SLC30A8: variants seen among roughly 807,000 people sequenced by gnomAD.
SLC30A8 encodes proton-coupled zinc antiporter SLC30A8.
SLC30A8 carries 27 observed loss-of-function variants against 36.9 expected under a neutral mutation model. The ratio of observed to expected loss-of-function variants is 0.73; its 90% CI spans 0.54 to 1.01. The LOEUF (loss-of-function observed/expected upper bound fraction) is 1.01, where lower values mean the gene tolerates loss of function less well. SLC30A8 is among the 50% of genes least tolerant of loss of function. The probability of loss-of-function intolerance (pLI) is 0.00; values close to 1 mark genes in which losing one functional copy is unlikely to be tolerated. For synonymous variants in SLC30A8, 164 were observed against 172.4 expected, an observed-to-expected ratio of 0.95 and a Z score of 0.38; for missense variants, 439 against 452.0, an observed-to-expected ratio of 0.97 and a Z score of 0.26.
chr8:116,969,657 G>A (rs149114757), intron 1 of SLC30A8, among the ~76,000 whole-genome samples: 34 of 152,196 alleles, frequency 2.2e-4, no homozygotes, highest in Middle Eastern at 3.4e-3. Flanking sequence ...ATAGACTATC[G>A]CTCCTAGGCT....
intron 2 of SLC30A8, among the ~76,000 whole-genome samples, chr8:117,120,154 ATAAC>A (rs549562191): frequency 7.0e-4 from 106 of 152,114 alleles, no homozygotes; most frequent in African/African-American, 2.5e-3. Flanking sequence ...ATGACACAAA[ATAAC>A]TAAAGTAATC....
chr8:116,992,628 C>G (rs1452991065), intron 1 of SLC30A8, among the ~76,000 whole-genome samples: 2 of 152,180 alleles, frequency 1.3e-5, no homozygotes, highest in East Asian at 3.9e-4. Flanking sequence ...TATGCAGTCT[C>G]TCTATGAGGA....
chr8:117,126,008 TCTC>T (rs1253571213), intron 2 of SLC30A8, among the ~76,000 whole-genome samples: 18 of 152,054 alleles, frequency 1.2e-4, no homozygotes, highest in African/African-American at 3.6e-4. Context: ...TCAACGATCT[TCTC>T]CTCTCTCTAG....
At position 117,153,098 on chromosome 8, in the gene SLC30A8, T is replaced by TCATA; in HGVS notation, c.418+9_418+12dup. On this transcript the variant is annotated intron_variant, in intron 3 of 7. Coordinates refer to ENST00000456015, the MANE Select transcript of SLC30A8 (RefSeq NM_173851.3). ...TTGGATGGCACCGAGCAGGTACGGT[T>TCATA]CATAGAGTGAGCAATAACAGCAGGC... is the stretch of plus-strand genomic sequence containing the variant. The TCATA allele has an allele frequency of 6.4e-7, 1 of 1,572,196 alleles. No homozygotes were observed. The highest frequency in any genetic ancestry group is 2.3e-5 in the East Asian group (1 of 44,202).
At chr8:116,975,940 C>T (rs982543803) in intron 1 of SLC30A8, among the ~76,000 whole-genome samples, 3 of 152,118 alleles carry the variant, frequency 2.0e-5, no homozygotes, top group Admixed American at 6.5e-5. Flanking sequence ...TTATGGCCTT[C>T]TGATTCAAGC....
upstream of SLC30A8, chr8:117,134,767 A>G (rs947353581): frequency 6.6e-6 from 1 of 152,026 alleles, no homozygotes; most frequent in Non-Finnish European, 1.5e-5. Context: ...CTCCCTTTCA[A>G]TAGTGAAATC....
At chr8:117,081,056 A>G (rs1297174705) in intron 2 of SLC30A8, among the ~76,000 whole-genome samples, 3 of 152,172 alleles carry the variant, frequency 2.0e-5, no homozygotes, top group Non-Finnish European at 4.4e-5. Context: ...ATCTTCCTCC[A>G]AAGTCATTTT....
chr8:117,161,958 A>G (rs1325077297), intron 5 of SLC30A8, 70 bp downstream of exon 5: 3 of 1,392,988 alleles, frequency 2.2e-6, no homozygotes, highest in Non-Finnish European at 2.9e-6. Context: ...ACCCTCCAAC[A>G]TTAACTTAAA....
At chr8:117,033,131 G>A (rs1376944613) in intron 1 of SLC30A8, among the ~76,000 whole-genome samples, 1 of 152,212 alleles carries the variant, frequency 6.6e-6, no homozygotes. Context: ...GGGACACAGA[G>A]TTCCACTCTT....
intron 2 of SLC30A8, among the ~76,000 whole-genome samples, chr8:117,082,202 T>C (rs1186979244): frequency 6.6e-6 from 1 of 152,208 alleles, no homozygotes; most frequent in Admixed American, 6.5e-5. Flanking sequence ...GTCCAAGGAC[T>C]AATACCATGT....
intron 1 of SLC30A8, among the ~76,000 whole-genome samples, chr8:117,035,456 T>G (rs1817182723): frequency 6.6e-6 from 1 of 152,262 alleles, no homozygotes; most frequent in South Asian, 2.1e-4. Flanking sequence ...GGCATGCTGA[T>G]GCAAGGCGTG....
chr8:116,982,360 A>T (rs1273422267), intron 1 of SLC30A8, among the ~76,000 whole-genome samples: 2 of 152,150 alleles, frequency 1.3e-5, no homozygotes, highest in Admixed American at 1.3e-4. Flanking sequence ...TGGAGACTGC[A>T]ACTTTAAGCA....
chr8:117,002,933 C>T (rs1024123918), intron 1 of SLC30A8, among the ~76,000 whole-genome samples: 3 of 152,052 alleles, frequency 2.0e-5, no homozygotes, highest in Admixed American at 1.3e-4. Flanking sequence ...AGCATCCATT[C>T]GTTGTGAATT....
intron 1 of SLC30A8, among the ~76,000 whole-genome samples, chr8:116,995,296 A>G: frequency 6.6e-6 from 1 of 152,080 alleles, no homozygotes; most frequent in Non-Finnish European, 1.5e-5. Flanking sequence ...AAATCATTTG[A>G]AAGACCCATG....
In SLC30A8 at chr8:116,951,601, G is replaced by A. The variant is rs576032373; in HGVS notation, c.-266+482G>A. On this transcript the variant is annotated intron_variant, in intron 1 of 10. Transcript: ENST00000427715. ...TATTGAATTATCTGTTCCCCACCCC[G>A]CCGTCTAGACTACAAGCAACATGAG... Among the ~76,000 whole-genome samples the A allele has an allele frequency of 4.6e-5, 7 of 151,712 alleles. No homozygotes were observed. The South Asian group carries it at 1.2e-3, about 27-fold the overall frequency.
chr8:117,136,477 C>T (rs1381504341), intron 1 of SLC30A8, among the ~76,000 whole-genome samples: 1 of 151,916 alleles, frequency 6.6e-6, no homozygotes, highest in African/African-American at 2.4e-5. Context: ...CAAAGCCAAA[C>T]TAATATTCTA....
At chr8:117,164,883 C>T (rs1822982473) in intron 6 of SLC30A8, among the ~76,000 whole-genome samples, 1 of 152,106 alleles carries the variant, frequency 6.6e-6, no homozygotes, top group Admixed American at 6.6e-5. Context: ...TTGAGTCTTC[C>T]AACTGTCCAG....
intron 4 of SLC30A8, among the ~76,000 whole-genome samples, chr8:117,158,701 C>T (rs1822627394): frequency 6.6e-6 from 1 of 152,182 alleles, no homozygotes; most frequent in Non-Finnish European, 1.5e-5. Flanking sequence ...GAGGCCAGGA[C>T]TTTGATTTTT....
rs949645258 is a variant in SLC30A8, at chr8:117,172,812, A to G, written c.*131A>G. 6 of 1,079,040 alleles carry G rather than the reference A, an allele frequency of 5.6e-6. No individual in the cohort carries two copies. The African/African-American group carries it at 6.3e-5, about 11-fold the overall frequency. The allele number at this position is 1,079,040 out of a possible 1,614,324, so 66.8% of individuals were successfully genotyped here. ...TCATGGTGCAATGCACATTTTATCT[A>G]TTTATTTAGTTCCATTCACCATGAA... On this transcript the variant is annotated 3_prime_UTR_variant, in exon 8 of 8. Transcript: ENST00000456015.
Sources: allele counts gnomAD v4.1 joint callset (sites outside exome capture counted in the v4.1 genomes callset), GRCh38; gene constraint gnomAD v4.1.1; transcripts MANE v1.5; gene names NCBI Gene and HGNC (gene_info 2026-07-23, HGNC 2026-07-21).